The following AOPEP variants were observed in gnomAD, a reference collection of about 807,000 sequenced individuals.
AOPEP encodes the protein aminopeptidase O (putative).
In AOPEP, 77 loss-of-function variants were observed where a neutral mutation model predicts 98.1. The observed-to-expected ratio is 0.78, with a 90% confidence interval of 0.65 to 0.95. The LOEUF (loss-of-function observed/expected upper bound fraction) is 0.95. Among genes scored for constraint, AOPEP ranks in the 40% least tolerant of loss-of-function variants. AOPEP has a pLI of 0.00. For synonymous variants in AOPEP, 346 were observed against 365.3 expected (o/e 0.95, Z 0.60); for missense variants, 1,024 against 1,024.7 (o/e 1.00, Z 0.01).
chr9:94,741,394 C>T (rs921022304), intron 1 of AOPEP, among the ~76,000 whole-genome samples: 24 of 151,824 alleles, frequency 1.6e-4, no homozygotes, highest in East Asian at 1.9e-4. Flanking sequence ...TGCTTCAGCC[C>T]CCCGAGTAGC....
At chr9:94,852,922 T>C (rs2043733619) in intron 5 of AOPEP, among the ~76,000 whole-genome samples, 1 of 152,190 alleles carries the variant, frequency 6.6e-6, no homozygotes, top group African/African-American at 2.4e-5. Flanking sequence ...TCATTGATTA[T>C]AGGTATTCTA....
At chr9:94,992,409 G>A (rs942478024) in intron 11 of AOPEP, among the ~76,000 whole-genome samples, 1 of 152,192 alleles carries the variant, frequency 6.6e-6, no homozygotes, top group Non-Finnish European at 1.5e-5. Context: ...AGCCACCACC[G>A]TCACACTGTA....
intron 3 of AOPEP, among the ~76,000 whole-genome samples, chr9:94,788,251 T>A (rs242260): frequency 0.053 from 8,012 of 151,266 alleles, 230 homozygotes; most frequent in Admixed American, 0.078. Context: ...TAAAAAAAAA[T>A]TTTTTTTTGT....
intron 5 of AOPEP, among the ~76,000 whole-genome samples, chr9:94,861,764 G>A (rs769896895): frequency 3.9e-5 from 6 of 152,192 alleles, no homozygotes; most frequent in Non-Finnish European, 7.3e-5. Context: ...AGTGCTTGAC[G>A]AGTAGTACAC....
At chr9:95,150,168 AG>A in the AOPEP span, 1 of 1,488,896 alleles carries the variant, frequency 6.7e-7, no homozygotes, top group East Asian at 2.3e-5. Context: ...CATGCTAAAA[AG>A]GTCAAAGACA....
chr9:94,859,719 G>C (rs1299797190), intron 5 of AOPEP, among the ~76,000 whole-genome samples: 1 of 152,160 alleles, frequency 6.6e-6, no homozygotes, highest in African/African-American at 2.4e-5. Context: ...AAGGGCATGG[G>C]CTTTGGGGTC....
chr9:94,826,679 G>C (rs1854640905), intron 5 of AOPEP, among the ~76,000 whole-genome samples: 1 of 152,150 alleles, frequency 6.6e-6, no homozygotes, highest in Non-Finnish European at 1.5e-5. Flanking sequence ...CTAGGGTCTT[G>C]ATTGATGTCA....
At chr9:95,140,036 A>T in the AOPEP span, among the ~76,000 whole-genome samples, 1 of 152,022 alleles carries the variant, frequency 6.6e-6, no homozygotes, top group Non-Finnish European at 1.5e-5. Flanking sequence ...GACCAAAATC[A>T]TGAATTCAAG....
At chr9:94,962,858 C>G (rs2058944932) in intron 9 of AOPEP, among the ~76,000 whole-genome samples, 1 of 151,994 alleles carries the variant, frequency 6.6e-6, no homozygotes, top group African/African-American at 2.4e-5. Context: ...ATTCTCCTGC[C>G]TCAGCCTCCC....
chr9:95,032,082 C>G (rs1340190453), intron 13 of AOPEP, among the ~76,000 whole-genome samples: 1 of 152,200 alleles, frequency 6.6e-6, no homozygotes, highest in East Asian at 1.9e-4. Context: ...GTACATGTCC[C>G]AGGAAAGCAA....
At chr9:94,755,997 C>T (rs992484442) in intron 1 of AOPEP, among the ~76,000 whole-genome samples, 14 of 152,032 alleles carry the variant, frequency 9.2e-5, no homozygotes, top group South Asian at 2.1e-4. Context: ...GGGTGGCTCA[C>T]GCCTGTGATC....
chr9:94,818,988 C>G (rs546846782), intron 5 of AOPEP, among the ~76,000 whole-genome samples: 1 of 152,100 alleles, frequency 6.6e-6, no homozygotes, highest in African/African-American at 2.4e-5. Flanking sequence ...AGTGAGACTC[C>G]GTCTCAAAAA....
chr9:94,756,728 G>A (rs1367361781), intron 1 of AOPEP, among the ~76,000 whole-genome samples: 1 of 152,076 alleles, frequency 6.6e-6, no homozygotes, highest in Non-Finnish European at 1.5e-5. Context: ...AATTTGGGAA[G>A]AAGAAACTGG....
chr9:94,741,779 C>CTGGGG (rs1833190374), intron 1 of AOPEP, among the ~76,000 whole-genome samples: 1 of 152,218 alleles, frequency 6.6e-6, no homozygotes, highest in African/African-American at 2.4e-5. Context: ...GCTATTCCAT[C>CTGGGG]ACAGCTGAAC....
intron 5 of AOPEP, among the ~76,000 whole-genome samples, chr9:94,923,340 G>A (rs1433975900): frequency 6.6e-6 from 1 of 152,130 alleles, no homozygotes. Flanking sequence ...CCTTCTTTCT[G>A]TCAGCATAAT....
intron 5 of AOPEP, among the ~76,000 whole-genome samples, chr9:94,883,923 C>T (rs1461028334): frequency 3.9e-5 from 6 of 152,126 alleles, no homozygotes; most frequent in Non-Finnish European, 8.8e-5. Flanking sequence ...CCTCCATCCC[C>T]GTCAATATTC....
At chr9:94,863,677 A>G (rs941117906) in intron 5 of AOPEP, among the ~76,000 whole-genome samples, 1 of 152,158 alleles carries the variant, frequency 6.6e-6, no homozygotes, top group Non-Finnish European at 1.5e-5. Flanking sequence ...CGGCCTCCCA[A>G]AGTGCTGGGA....
chr9:94,892,515 T>C (rs2048991083), intron 5 of AOPEP, among the ~76,000 whole-genome samples: 1 of 152,094 alleles, frequency 6.6e-6, no homozygotes. Flanking sequence ...GAGACAGACA[T>C]GTTAGTGACA....
chr9:94,738,927 C>G (rs1377893935), intron 1 of AOPEP, among the ~76,000 whole-genome samples: 3 of 152,176 alleles, frequency 2.0e-5, no homozygotes, highest in Admixed American at 2.0e-4. Context: ...ACTAAATCCC[C>G]ATGAATAATA....
Sources: allele counts gnomAD v4.1 joint callset (sites outside exome capture counted in the v4.1 genomes callset), GRCh38; gene constraint gnomAD v4.1.1; transcripts MANE v1.5; gene names NCBI Gene and HGNC (gene_info 2026-07-23, HGNC 2026-07-21).